KIF17: variants seen among roughly 807,000 people sequenced by gnomAD.
KIF17 encodes the protein kinesin family member 17, also known as kinesin-like protein KIF17.
In KIF17, 80 loss-of-function variants were observed where a neutral mutation model predicts 96.8. That is an observed-to-expected ratio of 0.83 (90% CI 0.69 to 1.00). The LOEUF is 1.00. Ranked by LOEUF, KIF17 falls within the 50% of genes least tolerant of loss-of-function variation. The pLI is 0.00. For missense variants in KIF17, 1,280 were observed against 1,372.9 expected (o/e 0.93, Z 1.07); for synonymous variants, 567 against 587.5 (o/e 0.97, Z 0.51).
chr1:20,687,996 C>T lies in KIF17; in HGVS notation c.1382-52G>A, dbSNP rs1341198548. The stretch of plus-strand genomic sequence containing the variant: ...TTTTTAAAGGGTCAGAATGAGAGAC[C>T]CTTCCCTAGAAGGTGGCTCCAAGCC... On this transcript the variant is annotated intron_variant, in intron 7 of 14. Coordinates refer to ENST00000400463, the MANE Select transcript of KIF17 (RefSeq NM_001122819.3). The surrounding 1 kb of genome is among the most constrained non-coding windows in gnomAD (Gnocchi z 4.4). 10 of 1,509,624 alleles carry T rather than the reference C, an allele frequency of 6.6e-6. No homozygotes were observed. The highest frequency in any genetic ancestry group is 9.2e-6 in the Non-Finnish European group (10 of 1,086,562). The allele number at this position is 1,509,624 out of a possible 1,614,324, so 93.5% of individuals were successfully genotyped here. A position where few individuals can be genotyped will look rare whatever the true frequency, so the allele number is the denominator to read the frequency against.
In KIF17 at chr1:20,716,228, C is replaced by T. The variant is rs542682522; in HGVS notation, c.232-589G>A. On this transcript the variant is annotated intron_variant, in intron 1 of 14. Coordinates refer to ENST00000400463, the MANE Select transcript of KIF17 (RefSeq NM_001122819.3). ...CTGCACCCCAGCCTGGGCGACAGCGCGAGACTCCGTCTCAAAAAAAAAAAA... is the reference window on the plus strand; with the variant it reads ...CTGCACCCCAGCCTGGGCGACAGCGTGAGACTCCGTCTCAAAAAAAAAAAA... Among the ~76,000 whole-genome samples, 127 of 132,430 alleles carry T rather than the reference C, an allele frequency of 9.6e-4. 1 individual carries two copies. Among genetic ancestry groups the T allele is most frequent in the African/African-American group, 2.5e-3 (87 of 34,302 alleles). 86.9% of individuals were successfully genotyped at this position (132,430 alleles called of 152,430 possible).
intron 2 of KIF17, among the ~76,000 whole-genome samples, chr1:20,715,279 T>C (rs2054556465): frequency 6.6e-6 from 1 of 152,160 alleles, no homozygotes; most frequent in Non-Finnish European, 1.5e-5. Context: ...CAACTAAGGG[T>C]TAGAAGGCAA....
chr1:20,681,885 G>T (rs2053835934), intron 11 of KIF17, among the ~76,000 whole-genome samples: 2 of 152,136 alleles, frequency 1.3e-5, no homozygotes, highest in Non-Finnish European at 2.9e-5. Flanking sequence ...TCCTTCTGAG[G>T]TTCCCAGTCT....
At position 20,717,595 on chromosome 1, in the gene KIF17, A is replaced by G. The variant is rs1182640737; in HGVS notation, c.112T>C (p.Cys38Arg). The G allele has an allele frequency of 3.7e-6, 6 of 1,611,142 alleles. No individual in the cohort carries two copies. The East Asian group carries it at 8.9e-5, about 24-fold the overall frequency. Residue 38 changes from cysteine to arginine, a missense_variant, in exon 1 of 15, where the codon TGC becomes CGC. Cys to Arg is a radical substitution (Grantham distance 180). Coordinates refer to ENST00000400463, the MANE Select transcript of KIF17 (RefSeq NM_001122819.3). The part of the protein sequence containing the change: ...VTVDCARAQC[C>R]IQNPGAADEP... Reference sequence around the variant, plus strand: ...TCGGCGGCGCCCGGGTTCTGGATGCAGCACTGGGCGCGCGCGCAGTCCACA... The same window carrying G: ...TCGGCGGCGCCCGGGTTCTGGATGCGGCACTGGGCGCGCGCGCAGTCCACA...
chr1:20,664,729 G>T lies in KIF17; in HGVS notation c.2942C>A (p.Pro981Gln), dbSNP rs1248691105. 1.2e-6 allele frequency: 2 copies of T among 1,612,246 alleles called. No individual in the cohort carries two copies. The highest frequency in any genetic ancestry group is 1.7e-6 in the Non-Finnish European group (2 of 1,179,816). Reference sequence around the variant, plus strand: ...TGGGATGGCAGAGTTGTTGCTGAGTGGGCAGCTGAGGCCTGGTGGCGAGTT... The same window carrying T: ...TGGGATGGCAGAGTTGTTGCTGAGTTGGCAGCTGAGGCCTGGTGGCGAGTT... ...HHNSPPGLSCPLSNNSAIPPT... is the reference protein window; with the variant it reads ...HHNSPPGLSCQLSNNSAIPPT... The change falls in exon 15 of 15, where the codon CCA (proline) becomes CAA (glutamine). Residue 981 changes from proline to glutamine, a missense_variant. Transcript: ENST00000400463.
At position 20,684,817 on chromosome 1, in the gene KIF17, C is replaced by T. The variant is rs1314834005; in HGVS notation, c.2223G>A (p.Val741=). ...CATGCTCTGCTGCTTACCGGGCCAGCACCTGCTGCTGGTCCACAACGGGCA... is the reference window on the plus strand; with the variant it reads ...CATGCTCTGCTGCTTACCGGGCCAGTACCTGCTGCTGGTCCACAACGGGCA... ...DPLPVVDQQQ[V]LARLQLLEQQ... Residue 741 remains valine (V), a synonymous_variant, in exon 10 of 15, where the codon GTG becomes GTA. Coordinates refer to ENST00000400463, the MANE Select transcript of KIF17 (RefSeq NM_001122819.3). 5 of 1,578,866 alleles carry T rather than the reference C, an allele frequency of 3.2e-6. No individual in the cohort carries two copies. The African/African-American group carries it at 4.0e-5, about 13-fold the overall frequency.
intron 6 of KIF17, chr1:20,693,335 C>T (rs1036718898): frequency 3.3e-5 from 5 of 151,254 alleles, no homozygotes; most frequent in Non-Finnish European, 7.4e-5. Context: ...ACCTCAAGTT[C>T]CAGTGAACCC....
At chr1:20,669,071 T>C (rs1447868479) in intron 13 of KIF17, among the ~76,000 whole-genome samples, 1 of 151,750 alleles carries the variant, frequency 6.6e-6, no homozygotes, top group Non-Finnish European at 1.5e-5. Context: ...CTGTAAATAA[T>C]AACAACTTTC....
At position 20,672,235 on chromosome 1, in the gene KIF17, T is replaced by C. The variant is rs1416840334; in HGVS notation, c.2464-39A>G. 5.0e-6 allele frequency: 8 copies of C among 1,610,948 alleles called. No homozygotes were observed. The highest frequency in any genetic ancestry group is 1.3e-5 in the African/African-American group (1 of 74,814). On this transcript the variant is annotated intron_variant, in intron 11 of 14. Coordinates refer to ENST00000400463, the MANE Select transcript of KIF17 (RefSeq NM_001122819.3). The surrounding 1 kb of genome is among the most constrained non-coding windows in gnomAD (Gnocchi z 4.3). ...ATGACAAGCAGTGAGCAGGGAAAGA[T>C]ACCTCCCCTTCCATCTAACCACCCT...
Position 20,709,558 on chromosome 1 carries a change from G to T in KIF17, c.670+81C>A. On this transcript the variant is annotated intron_variant, in intron 4 of 14. Transcript: ENST00000400463. The surrounding 1 kb of genome is among the most constrained non-coding windows in gnomAD (Gnocchi z 4.7). Reference sequence around the variant, plus strand: ...CTTCCCACTTTCCAGGGGCTCCTGCGGCCCCGAGAGGTGGCGTGCCTTGGC... The same window carrying T: ...CTTCCCACTTTCCAGGGGCTCCTGCTGCCCCGAGAGGTGGCGTGCCTTGGC... The T allele has an allele frequency of 6.7e-7, 1 of 1,502,556 alleles. No homozygotes were observed. Among genetic ancestry groups the T allele is most frequent in the Non-Finnish European group, 9.3e-7 (1 of 1,079,780 alleles). The allele number at this position is 1,502,556 out of a possible 1,614,324, so 93.1% of individuals were successfully genotyped here.
chr1:20,678,851 A>G (rs539336649), intron 11 of KIF17, among the ~76,000 whole-genome samples: 2 of 152,280 alleles, frequency 1.3e-5, no homozygotes, highest in East Asian at 3.9e-4. Context: ...TGCTGCATTT[A>G]GAAGTGGGAA....
rs1204634267 is a variant in KIF17, at chr1:20,717,231, A to C, written c.231+245T>G. On this transcript the variant is annotated intron_variant, in intron 1 of 14. Coordinates refer to ENST00000400463, the MANE Select transcript of KIF17 (RefSeq NM_001122819.3). ...GTAATCCCAGCTACTTGGGAGGCTG[A>C]GGCAGGAGAATCGCTTGAACCCGGG... The C allele has an allele frequency of 5.4e-6, 3 of 550,472 alleles. No individual in the cohort carries two copies. The African/African-American group carries it at 5.8e-5, about 11-fold the overall frequency. The allele number at this position is 550,472 out of a possible 1,614,324, so 34.1% of individuals were successfully genotyped here. A position where few individuals can be genotyped will look rare whatever the true frequency, so the allele number is the denominator to read the frequency against.
chr1:20,671,141 T>G (rs1056237890), intron 12 of KIF17, among the ~76,000 whole-genome samples: 4 of 152,162 alleles, frequency 2.6e-5, no homozygotes, highest in African/African-American at 9.7e-5. Context: ...CTGCTGTGAC[T>G]GTGACTTTGG....
Position 20,672,043 on chromosome 1 carries a change from T to G in KIF17, c.2617A>C (p.Asn873His), listed in dbSNP as rs749049783. ...QVQPLIRRDC[N>H]YSNLEKILRE... ...AGAATCTTCTCCAGGTTGCTGTAGT[T>G]ACAGTCCCTGCGAATCAGGGGCTGC... The change falls in exon 12 of 15, where the codon AAC (asparagine) becomes CAC (histidine). Residue 873 changes from asparagine to histidine, a missense_variant. Transcript: ENST00000400463. The surrounding 1 kb of genome is among the most constrained non-coding windows in gnomAD (Gnocchi z 4.3). 6.2e-7 allele frequency: 1 copy of G among 1,614,170 alleles called. No homozygotes were observed. The highest frequency in any genetic ancestry group is 2.2e-5 in the East Asian group (1 of 44,878).
chr1:20,703,182 G>GATGGATGA (rs1553151998), intron 5 of KIF17, among the ~76,000 whole-genome samples: 8 of 151,714 alleles, frequency 5.3e-5, no homozygotes, highest in Non-Finnish European at 8.8e-5. Context: ...TGGATGAATG[G>GATGGATGA]ATGGACGGAT....
At chr1:20,694,533 C>A (rs1314864051) in intron 6 of KIF17, among the ~76,000 whole-genome samples, 2 of 152,148 alleles carry the variant, frequency 1.3e-5, no homozygotes, top group Non-Finnish European at 2.9e-5. Flanking sequence ...GAGGTGCCTG[C>A]CACTGTAGTA....
At chr1:20,711,097 A>T (rs920491845) in intron 3 of KIF17, among the ~76,000 whole-genome samples, 6 of 150,666 alleles carry the variant, frequency 4.0e-5, no homozygotes, top group Non-Finnish European at 7.4e-5. Context: ...TGCCTCTCTA[A>T]GCCTCAATTT....
At chr1:20,694,806 C>G (rs573439165) in intron 6 of KIF17, among the ~76,000 whole-genome samples, 13 of 152,270 alleles carry the variant, frequency 8.5e-5, no homozygotes, top group Non-Finnish European at 1.6e-4. Context: ...CTCCTCAGAG[C>G]CCTGCAGCCC....
intron 5 of KIF17, among the ~76,000 whole-genome samples, chr1:20,703,551 G>T (rs1461911765): frequency 6.6e-6 from 1 of 151,354 alleles, no homozygotes; most frequent in Non-Finnish European, 1.5e-5. Flanking sequence ...TGGGTGAGTG[G>T]GTGGATGGAT....
Sources: gnomAD v4.1 joint callset for allele counts (sites outside exome capture counted in the v4.1 genomes callset) on GRCh38, gnomAD v4.1.1 for gene constraint, Gnocchi (gnomAD v3.1) non-coding constraint, MANE v1.5 for transcripts, NCBI Gene and HGNC (gene_info 2026-07-23, HGNC 2026-07-21) for gene names.